Variants in BDKRB2 observed in about 807,000 individuals in gnomAD.
The protein encoded by BDKRB2 is B2 bradykinin receptor.
Under a neutral mutation model 4.0 loss-of-function variants are expected in BDKRB2, and 6 were observed. That is an observed-to-expected ratio of 1.49 (90% CI 0.81 to 2.93). BDKRB2 has a LOEUF of 2.93. Among genes scored for constraint, BDKRB2 ranks in the 30% most tolerant of loss-of-function variants. The probability of loss-of-function intolerance (pLI) is 0.00; values close to 1 mark genes in which losing one functional copy is unlikely to be tolerated. For synonymous variants in BDKRB2, 225 were observed against 215.3 expected, an observed-to-expected ratio of 1.05 and a Z score of -0.40; for missense variants, 478 against 520.1, an observed-to-expected ratio of 0.92 and a Z score of 0.79.
chr14:96,229,197 C>T (rs1890763031), intron 1 of BDKRB2, among the ~76,000 whole-genome samples: 1 of 152,144 alleles, frequency 6.6e-6, no homozygotes, highest in Non-Finnish European at 1.5e-5. Flanking sequence ...ACAAGCAACT[C>T]TTATAGCTAT....
At chr14:96,214,066 G>A (rs1426633389) in intron 1 of BDKRB2, among the ~76,000 whole-genome samples, 1 of 152,140 alleles carries the variant, frequency 6.6e-6, no homozygotes, top group Non-Finnish European at 1.5e-5. Context: ...CCCTTGCCTG[G>A]GCCTCCCCAT....
At chr14:96,233,836 A>G (rs1890874065) in intron 1 of BDKRB2, 2 of 152,234 alleles carry the variant, frequency 1.3e-5, no homozygotes, top group Non-Finnish European at 2.9e-5. Flanking sequence ...GTGTTTTTAC[A>G]GTAAGTCTTC....
At chr14:96,211,505 G>A (rs570775120) in intron 1 of BDKRB2, among the ~76,000 whole-genome samples, 2 of 152,370 alleles carry the variant, frequency 1.3e-5, no homozygotes, top group Admixed American at 6.5e-5. Flanking sequence ...TGCTACAGGT[G>A]TGCTCACACG....
chr14:96,236,047 CTGG>C (rs1890927761), intron 1 of BDKRB2, among the ~76,000 whole-genome samples: 2 of 152,172 alleles, frequency 1.3e-5, no homozygotes, highest in African/African-American at 2.4e-5. Flanking sequence ...GCCTCCCTCC[CTGG>C]ATGGGAGTGA....
intron 1 of BDKRB2, among the ~76,000 whole-genome samples, chr14:96,220,052 G>A (rs1056228012): frequency 6.6e-6 from 1 of 151,988 alleles, no homozygotes; most frequent in Non-Finnish European, 1.5e-5. Flanking sequence ...AAATGCTACG[G>A]TTAGGGCATT....
At chr14:96,213,923 C>T (rs187377772) in intron 1 of BDKRB2, among the ~76,000 whole-genome samples, 1 of 152,216 alleles carries the variant, frequency 6.6e-6, no homozygotes. Context: ...ATCCTGCCTC[C>T]CTACATAAGC....
intron 1 of BDKRB2, among the ~76,000 whole-genome samples, chr14:96,206,274 C>A (rs751458705): frequency 6.6e-6 from 1 of 152,136 alleles, no homozygotes. Flanking sequence ...AGGAAGCATG[C>A]GTGCTGTCCC....
intron 2 of BDKRB2, chr14:96,238,019 C>G (rs1217303482): frequency 2.6e-6 from 3 of 1,167,408 alleles, no homozygotes; most frequent in Non-Finnish European, 3.2e-6. Context: ...AGGGTTGGAC[C>G]AAGGGGACTA....
chr14:96,221,450 G>C (rs1566690302), intron 1 of BDKRB2, among the ~76,000 whole-genome samples: 6 of 152,150 alleles, frequency 3.9e-5, no homozygotes. Context: ...TGTGGGCACA[G>C]TCCTAGCCCC....
intron 1 of BDKRB2, among the ~76,000 whole-genome samples, chr14:96,236,749 G>A (rs1342092326): frequency 1.3e-5 from 2 of 152,112 alleles, no homozygotes; most frequent in African/African-American, 4.8e-5. Flanking sequence ...CTCACCCTCA[G>A]TGTTCTCATC....
chr14:96,235,551 C>T (rs1890911450), intron 1 of BDKRB2, among the ~76,000 whole-genome samples: 1 of 152,072 alleles, frequency 6.6e-6, no homozygotes, highest in South Asian at 2.1e-4. Flanking sequence ...AACCCTGATC[C>T]CAGCTGTGCT....
In BDKRB2 at chr14:96,241,622, GTC is replaced by G; in HGVS notation, c.*121_*122del. The G allele has an allele frequency of 7.1e-7, 1 of 1,415,830 alleles. No homozygotes were observed. Among genetic ancestry groups the G allele is most frequent in the Non-Finnish European group, 9.2e-7 (1 of 1,088,944 alleles). 87.7% of individuals were successfully genotyped at this position (1,415,830 alleles called of 1,614,324 possible). ...GCACGACCTTGGGAAATGAGTTGAT[GTC>G]TCCGGTAAAACACCGGAGACTAATT... On this transcript the variant is annotated 3_prime_UTR_variant, in exon 3 of 3. Transcript: ENST00000554311.
chr14:96,225,165 T>A (rs1890664388), intron 1 of BDKRB2, among the ~76,000 whole-genome samples: 1 of 152,160 alleles, frequency 6.6e-6, no homozygotes, highest in Non-Finnish European at 1.5e-5. Flanking sequence ...GGGAGTTCAC[T>A]GCATCCCCCT....
At chr14:96,219,523 T>C (rs1044906555) in intron 1 of BDKRB2, among the ~76,000 whole-genome samples, 1 of 150,362 alleles carries the variant, frequency 6.7e-6, no homozygotes, top group East Asian at 2.0e-4. Context: ...ACAGAGGCAA[T>C]GGTGTGCTGG....
At chr14:96,211,937 G>A (rs1890313218) in intron 1 of BDKRB2, among the ~76,000 whole-genome samples, 1 of 152,172 alleles carries the variant, frequency 6.6e-6, no homozygotes, top group Non-Finnish European at 1.5e-5. Flanking sequence ...GCAAAGAGGT[G>A]AGGACACAGC....
chr14:96,227,179 T>C (rs1890716078), intron 1 of BDKRB2, among the ~76,000 whole-genome samples: 1 of 152,182 alleles, frequency 6.6e-6, no homozygotes, highest in African/African-American at 2.4e-5. Context: ...CAGGAGTCTT[T>C]CCTCCAATAA....
chr14:96,236,452 G>T (rs577557347), intron 1 of BDKRB2, among the ~76,000 whole-genome samples: 26 of 152,086 alleles, frequency 1.7e-4, no homozygotes, highest in Non-Finnish European at 3.4e-4. Flanking sequence ...GCCTTTGCAG[G>T]AGATGGAAGC....
At chr14:96,230,272 G>C (rs974041398) in intron 1 of BDKRB2, among the ~76,000 whole-genome samples, 1 of 152,278 alleles carries the variant, frequency 6.6e-6, no homozygotes, top group Admixed American at 6.5e-5. Flanking sequence ...ATGACAGGAG[G>C]TTTCATGTAA....
At chr14:96,229,248 G>T (rs1035736038) in intron 1 of BDKRB2, among the ~76,000 whole-genome samples, 1 of 152,108 alleles carries the variant, frequency 6.6e-6, no homozygotes, top group Non-Finnish European at 1.5e-5. Flanking sequence ...GCAGGTAGAG[G>T]TGGAAGAGAA....
Sources: allele counts gnomAD v4.1 joint callset (sites outside exome capture counted in the v4.1 genomes callset), GRCh38; gene constraint gnomAD v4.1.1; transcripts MANE v1.5; gene names NCBI Gene and HGNC (gene_info 2026-07-23, HGNC 2026-07-21).